CANX: variants seen among roughly 807,000 people sequenced by gnomAD.
CANX encodes the protein calnexin, also known as epididymis secretory sperm binding protein.
A neutral mutation model predicts 75.7 loss-of-function variants in CANX; 14 were observed. That is an observed-to-expected ratio of 0.19 (90% CI 0.12 to 0.29). The LOEUF (loss-of-function observed/expected upper bound fraction) is 0.29. Among genes scored for constraint, CANX ranks in the 10% least tolerant of loss-of-function variants. The probability of loss-of-function intolerance (pLI) is 1.00; values close to 1 mark genes in which losing one functional copy is unlikely to be tolerated. For synonymous variants in CANX, 227 were observed against 236.9 expected (o/e 0.96, Z 0.38); for missense variants, 567 against 713.2 (o/e 0.79, Z 2.34).
Position 179,684,861 on chromosome 5 carries a change from A to G in CANX, c.-4+6084A>G, listed in dbSNP as rs1054902938. ...AACCTTCACCTCCTGGGTTCAAGCA[A>G]TTCTCCTGCCTCAGCCTCCTAAGTG... On this transcript the variant is annotated intron_variant, in intron 1 of 14. Transcript: ENST00000681674. 4.4e-4 allele frequency among the ~76,000 whole-genome samples: 66 copies of G among 148,860 alleles called. 1 individual carries two copies. The highest frequency in any genetic ancestry group is 1.3e-3 in the African/African-American group (53 of 40,320).
upstream of CANX, chr5:179,698,309 T>C (rs1269938112): frequency 3.2e-6 from 2 of 630,122 alleles, no homozygotes; most frequent in African/African-American, 4.0e-5. Flanking sequence ...TAACCTCGGA[T>C]TATATTATTC....
At chr5:179,706,902 G>T (rs1321009042) in intron 3 of CANX, among the ~76,000 whole-genome samples, 2 of 152,024 alleles carry the variant, frequency 1.3e-5, no homozygotes, top group East Asian at 3.8e-4. Context: ...ATTTTCTCTT[G>T]ATGTTAAAAC....
At position 179,720,539 on chromosome 5, in the gene CANX, G is replaced by T; in HGVS notation, c.1161G>T (p.Met387Ile). 6.2e-7 allele frequency: 1 copy of T among 1,614,092 alleles called. No homozygotes were observed. Among genetic ancestry groups the T allele is most frequent in the Non-Finnish European group, 8.5e-7 (1 of 1,179,928 alleles). ...ATAAAGGCAAATGGAAGCCTCCTAT[G>T]ATTGACAATCCCAGTTACCAGGTTT... ...PNYKGKWKPP[M>I]IDNPSYQGIW... Residue 387 changes from methionine to isoleucine, a missense_variant, in exon 10 of 15, where the codon ATG becomes ATT. Transcript: ENST00000247461.
At chr5:179,682,295 GGCCGGGCACGGTGGCTCAC>G (rs1291198176) in intron 1 of CANX, among the ~76,000 whole-genome samples, 1 of 151,634 alleles carries the variant, frequency 6.6e-6, no homozygotes, top group Non-Finnish European at 1.5e-5. Context: ...AGAATATCCA[GGCCGGGCACGGTGGCTCAC>G]GCCTGTAATC....
chr5:179,699,215 T>A, intron 1 of CANX, 113 bp downstream of exon 1: 1 of 600,942 alleles, frequency 1.7e-6, no homozygotes, highest in South Asian at 6.7e-5. Context: ...TCGGGCTGGC[T>A]CTTGAGGGCC....
chr5:179,678,710 T>C (rs1207457763), exon 1 of CANX: 1 of 1,536,950 alleles, frequency 6.5e-7, no homozygotes, highest in Admixed American at 2.0e-5. Flanking sequence ...GCGCTGCTTC[T>C]CCAGCAAGTG....
intron 7 of CANX, among the ~76,000 whole-genome samples, chr5:179,712,310 T>C (rs555318316): frequency 6.6e-6 from 1 of 152,220 alleles, no homozygotes; most frequent in Non-Finnish European, 1.5e-5. Flanking sequence ...CAATTGACAA[T>C]TGAGTTGAAT....
chr5:179,694,259 G>A, upstream of CANX: 1 of 451,850 alleles, frequency 2.2e-6, no homozygotes. Context: ...TCTTTGTGCA[G>A]ACATGCAGAG....
chr5:179,681,974 G>C (rs1274562066), intron 1 of CANX, among the ~76,000 whole-genome samples: 1 of 147,972 alleles, frequency 6.8e-6, no homozygotes, highest in Admixed American at 6.8e-5. Context: ...AGAGGGCCAG[G>C]CGCGATGTTT....
chr5:179,684,255 G>A (rs1776141745), intron 1 of CANX, among the ~76,000 whole-genome samples: 1 of 152,110 alleles, frequency 6.6e-6, no homozygotes, highest in Admixed American at 6.6e-5. Context: ...TAAAGGTGGT[G>A]GTGGCGTTTT....
At chr5:179,705,947 A>G in intron 2 of CANX, 95 bp downstream of exon 2, 1 of 954,382 alleles carries the variant, frequency 1.0e-6, no homozygotes, top group Non-Finnish European at 1.6e-6. Flanking sequence ...TCAACTACTC[A>G]GGAGGCCTAG....
rs1378925363 is a variant in CANX at position 179,689,686 on chromosome 5, G to A, written c.-4+10909G>A. On this transcript the variant is annotated intron_variant, in intron 1 of 14. Transcript: ENST00000681674. The stretch of plus-strand genomic sequence containing the variant: ...ATTACAGGCGTGAGCCACCACACCC[G>A]GCCTCTTTTTTTCTTCTTCTTCTTT... Among the ~76,000 whole-genome samples the A allele has an allele frequency of 3.3e-5, 5 of 152,082 alleles. No individual in the cohort carries two copies. In the Middle Eastern group the frequency reaches 0.014, roughly 414 times the overall value.
chr5:179,678,954 A>C (rs1775975728), intron 1 of CANX: 4 of 1,535,412 alleles, frequency 2.6e-6, no homozygotes, highest in Non-Finnish European at 3.5e-6. Context: ...GGCGCGCCGT[A>C]GGCGAGGCCC....
At chr5:179,723,989 CTAT>C (rs1399694909) in intron 12 of CANX, among the ~76,000 whole-genome samples, 1 of 151,968 alleles carries the variant, frequency 6.6e-6, no homozygotes, top group Non-Finnish European at 1.5e-5. Flanking sequence ...CCCTTGGTTG[CTAT>C]TATTATTTAT....
chr5:179,709,058 T>G lies in CANX; in HGVS notation c.527T>G (p.Leu176Arg). The change falls in exon 6 of 15, where the codon CTG (leucine) becomes CGG (arginine). Residue 176 changes from leucine to arginine, a missense_variant and splice_region_variant. Leu to Arg is a moderately radical substitution (Grantham distance 102, BLOSUM62 -2). This residue lies in a region of CANX where 351 missense variants were observed against 433.8 expected (regional missense o/e 0.81). Coordinates refer to ENST00000247461, the MANE Select transcript of CANX (RefSeq NM_001746.4). ...CTTTCTAAAACACCAGAACTCAACC[T>G]GGTATGTAATTCCCATTTCTGGAAT... ...KLLSKTPELN[L>R]DQFHDKTPYT... The G allele has an allele frequency of 6.5e-7, 1 of 1,541,550 alleles. No homozygotes were observed. Among genetic ancestry groups the G allele is most frequent in the South Asian group, 1.1e-5 (1 of 89,620 alleles).
intron 1 of CANX, among the ~76,000 whole-genome samples, chr5:179,702,473 T>A (rs2077173064): frequency 6.8e-6 from 1 of 147,770 alleles, no homozygotes; most frequent in Non-Finnish European, 1.5e-5. Flanking sequence ...CTTATTTTAC[T>A]TACCATATTG....
intron 1 of CANX, among the ~76,000 whole-genome samples, chr5:179,701,737 T>TTTTA (rs1776776490): frequency 2.7e-5 from 1 of 36,892 alleles, no homozygotes; most frequent in Non-Finnish European, 6.1e-5. Flanking sequence ...ACAGATGTAC[T>TTTTA]TTTTTTTTTT....
At chr5:179,686,279 G>A (rs1776190229) in intron 1 of CANX, among the ~76,000 whole-genome samples, 1 of 151,466 alleles carries the variant, frequency 6.6e-6, no homozygotes, top group Non-Finnish European at 1.5e-5. Context: ...TGTATTTTTA[G>A]TAGAGATGAG....
rs1228953415 is a variant in CANX at position 179,729,848 on chromosome 5, G to A, written c.*1204G>A. The A allele has an allele frequency of 1.3e-5, 2 of 152,590 alleles. No homozygotes were observed. Among genetic ancestry groups the A allele is most frequent in the African/African-American group, 2.4e-5 (1 of 41,438 alleles). 9.5% of individuals were successfully genotyped at this position (152,590 alleles called of 1,614,324 possible). On this transcript the variant is annotated 3_prime_UTR_variant, in exon 15 of 15. Transcript: ENST00000247461. ...AGTTGAACAGACTAGAAGTATTTGT[G>A]GGAGGAGTGACATGAAGCATGAGTT...
Sources: allele counts gnomAD v4.1 joint callset (sites outside exome capture counted in the v4.1 genomes callset), GRCh38; gene constraint gnomAD v4.1.1; regional missense constraint gnomAD v4.1.1; transcripts MANE v1.5; gene names NCBI Gene and HGNC (gene_info 2026-07-23, HGNC 2026-07-21).